RORA: variants seen among roughly 807,000 people sequenced by gnomAD.
RORA encodes the protein RAR related orphan receptor A.
In RORA, 7 loss-of-function variants were observed where a neutral mutation model predicts 69.5. The observed-to-expected ratio is 0.10, with a 90% CI of 0.06 to 0.19. The LOEUF (loss-of-function observed/expected upper bound fraction) is 0.19. Ranked by LOEUF, RORA falls within the 10% of genes least tolerant of loss-of-function variation. RORA has a pLI of 1.00. For missense variants in RORA, 457 were observed against 663.0 expected (o/e 0.69, Z 3.41); for synonymous variants, 261 against 240.8 (o/e 1.08, Z -0.78).
chr15:61,168,379 C>T (rs537082595), intron 1 of RORA, among the ~76,000 whole-genome samples: 3 of 151,874 alleles, frequency 2.0e-5, no homozygotes, highest in South Asian at 2.1e-4. Flanking sequence ...CAGGTATGCA[C>T]CACCATGCCC....
chr15:60,747,235 A>G (rs1437474538), intron 1 of RORA, among the ~76,000 whole-genome samples: 1 of 152,212 alleles, frequency 6.6e-6, no homozygotes, highest in Non-Finnish European at 1.5e-5. Context: ...AGTTCAAAAA[A>G]AGTCAAAATT....
intron 1 of RORA, among the ~76,000 whole-genome samples, chr15:60,832,939 G>T (rs11852264): frequency 6.6e-6 from 1 of 151,184 alleles, no homozygotes; most frequent in Admixed American, 6.6e-5. Flanking sequence ...GAGTCTCACT[G>T]TGTCGCCCAG....
intron 2 of RORA, among the ~76,000 whole-genome samples, chr15:60,590,902 A>G (rs1262645352): frequency 6.6e-6 from 1 of 152,212 alleles, no homozygotes. Context: ...TGCTGTGGGC[A>G]CATTATATAG....
chr15:61,199,136 T>C (rs2079872878), intron 1 of RORA, among the ~76,000 whole-genome samples: 2 of 152,244 alleles, frequency 1.3e-5, no homozygotes, highest in Non-Finnish European at 2.9e-5. Flanking sequence ...AAGTAGCTTT[T>C]GCATTTTAAT....
intron 2 of RORA, among the ~76,000 whole-genome samples, chr15:60,594,768 T>C (rs148320378): frequency 8.9e-4 from 135 of 152,348 alleles, no homozygotes; most frequent in African/African-American, 2.9e-3. Flanking sequence ...TAATCTCAAG[T>C]ACTTATCTGA....
chr15:60,903,025 A>T (rs867103345), intron 1 of RORA, among the ~76,000 whole-genome samples: 1 of 152,228 alleles, frequency 6.6e-6, no homozygotes, highest in African/African-American at 2.4e-5. Flanking sequence ...GAAGCTTTTT[A>T]TTCAGGGGAT....
At chr15:60,740,912 G>A (rs2071567450) in intron 1 of RORA, among the ~76,000 whole-genome samples, 1 of 152,304 alleles carries the variant, frequency 6.6e-6, no homozygotes, top group South Asian at 2.1e-4. Context: ...AAAAGGTTGG[G>A]CAAACCCCAG....
chr15:60,566,596 T>C (rs1358484211), intron 2 of RORA, among the ~76,000 whole-genome samples: 1 of 152,112 alleles, frequency 6.6e-6, no homozygotes, highest in African/African-American at 2.4e-5. Context: ...TTACTTGAGG[T>C]TGGGGAGATG....
intron 2 of RORA, among the ~76,000 whole-genome samples, chr15:60,580,045 A>T (rs2068147718): frequency 6.6e-6 from 1 of 151,806 alleles, no homozygotes; most frequent in African/African-American, 2.4e-5. Context: ...AGAACTTTAA[A>T]TTTCAAAGGC....
intron 1 of RORA, among the ~76,000 whole-genome samples, chr15:60,927,785 A>T (rs1431612336): frequency 1.3e-5 from 2 of 152,110 alleles, no homozygotes; most frequent in Non-Finnish European, 2.9e-5. Context: ...AAACAAACAA[A>T]CAAACAAACA....
At chr15:60,741,884 A>G (rs2071579812) in intron 1 of RORA, among the ~76,000 whole-genome samples, 1 of 152,132 alleles carries the variant, frequency 6.6e-6, no homozygotes, top group Non-Finnish European at 1.5e-5. Flanking sequence ...CACTCGCCTC[A>G]AACCAACCGT....
chr15:60,695,571 G>A (rs1161851883), intron 1 of RORA, among the ~76,000 whole-genome samples: 2 of 151,298 alleles, frequency 1.3e-5, no homozygotes, highest in East Asian at 3.9e-4. Context: ...CTTTATTTAC[G>A]TACATAAAAC....
At chr15:60,582,659 T>G (rs2068225805) in intron 2 of RORA, among the ~76,000 whole-genome samples, 1 of 152,250 alleles carries the variant, frequency 6.6e-6, no homozygotes, top group African/African-American at 2.4e-5. Context: ...ATCTGAGTTA[T>G]CTTTAAAAAT....
chr15:61,002,041 G>T (rs1273547378), intron 1 of RORA, among the ~76,000 whole-genome samples: 1 of 152,222 alleles, frequency 6.6e-6, no homozygotes, highest in Non-Finnish European at 1.5e-5. Flanking sequence ...CACCAAATGA[G>T]CTCCTTTCTC....
intron 1 of RORA, among the ~76,000 whole-genome samples, chr15:60,947,671 C>T (rs961667102): frequency 5.7e-5 from 7 of 122,920 alleles, no homozygotes; most frequent in African/African-American, 2.2e-4. Flanking sequence ...CTTCGAGAAA[C>T]ACCCAAGAAT....
chr15:60,579,064 G>GTTTT (rs869076097), intron 2 of RORA, among the ~76,000 whole-genome samples: 7 of 129,668 alleles, frequency 5.4e-5, no homozygotes, highest in African/African-American at 1.5e-4. Context: ...ACCGCGCCCG[G>GTTTT]TTTTTTTTTT....
At chr15:61,003,168 A>T (rs1894799856) in intron 1 of RORA, among the ~76,000 whole-genome samples, 1 of 151,898 alleles carries the variant, frequency 6.6e-6, no homozygotes, top group South Asian at 2.1e-4. Context: ...AGAAAAGAAA[A>T]TACAAAGACA....
At chr15:60,737,818 T>G (rs2071522643) in intron 1 of RORA, among the ~76,000 whole-genome samples, 1 of 152,148 alleles carries the variant, frequency 6.6e-6, no homozygotes, top group Non-Finnish European at 1.5e-5. Context: ...GCTATTTGAC[T>G]TCGAAGAACT....
At chr15:60,872,338 G>A (rs1030251199) in intron 1 of RORA, among the ~76,000 whole-genome samples, 1 of 152,180 alleles carries the variant, frequency 6.6e-6, no homozygotes, top group Non-Finnish European at 1.5e-5. Flanking sequence ...TCAAAATGCG[G>A]TCTGAGCAAG....
Sources: gnomAD v4.1 joint callset for allele counts (sites outside exome capture counted in the v4.1 genomes callset) on GRCh38, gnomAD v4.1.1 for gene constraint, MANE v1.5 for transcripts, NCBI Gene and HGNC (gene_info 2026-07-23, HGNC 2026-07-21) for gene names.